KHDRBS2: variants seen among roughly 807,000 people sequenced by gnomAD.
KHDRBS2 encodes the protein KH RNA binding domain containing, signal transduction associated 2, also known as KH domain-containing, RNA-binding, signal transduction-associated protein 2.
KHDRBS2 carries 26 observed loss-of-function variants against 44.3 expected under a neutral mutation model. The observed-to-expected ratio is 0.59, with a 90% CI of 0.43 to 0.81. The LOEUF is 0.81. Ranked by LOEUF, KHDRBS2 falls within the 40% of genes least tolerant of loss-of-function variation. The pLI is 0.00. For missense variants in KHDRBS2, 476 were observed against 433.1 expected (o/e 1.10, Z -0.88); for synonymous variants, 194 against 151.1 (o/e 1.28, Z -2.08).
At chr6:61,594,842 C>G in the KHDRBS2 span, among the ~76,000 whole-genome samples, 2 of 152,006 alleles carry the variant, frequency 1.3e-5, no homozygotes, top group Non-Finnish European at 2.9e-5. Flanking sequence ...TTTTGAGAAG[C>G]CTGTCAAATA....
chr6:61,860,592 T>C (rs1346119194), intron 6 of KHDRBS2, among the ~76,000 whole-genome samples: 1 of 152,120 alleles, frequency 6.6e-6, no homozygotes, highest in Non-Finnish European at 1.5e-5. Context: ...GGTGTATATG[T>C]ACCACATTTT....
At chr6:62,241,466 A>G (rs1393013048) in intron 1 of KHDRBS2, among the ~76,000 whole-genome samples, 1 of 152,214 alleles carries the variant, frequency 6.6e-6, no homozygotes, top group African/African-American at 2.4e-5. Flanking sequence ...GATTACTAAG[A>G]AAACCAGCTG....
At chr6:62,275,721 T>C (rs1424405618) in intron 1 of KHDRBS2, among the ~76,000 whole-genome samples, 2 of 152,192 alleles carry the variant, frequency 1.3e-5, no homozygotes, top group African/African-American at 2.4e-5. Context: ...GTTATGTTCT[T>C]TAATATTGTT....
At chr6:61,583,701 G>GT in the KHDRBS2 span, among the ~76,000 whole-genome samples, 8 of 151,298 alleles carry the variant, frequency 5.3e-5, no homozygotes, top group East Asian at 1.9e-4. Flanking sequence ...TAGTTCCTTT[G>GT]TTTTTTTAAA....
chr6:61,863,390 A>T (rs1229106806), intron 6 of KHDRBS2, among the ~76,000 whole-genome samples: 3 of 151,356 alleles, frequency 2.0e-5, no homozygotes, highest in Non-Finnish European at 4.4e-5. Flanking sequence ...TAGATTATTA[A>T]CTTGAGATAT....
chr6:62,001,092 GA>G (rs1218942704), intron 3 of KHDRBS2, among the ~76,000 whole-genome samples: 2 of 152,108 alleles, frequency 1.3e-5, no homozygotes, highest in Non-Finnish European at 2.9e-5. Flanking sequence ...GACATTATTG[GA>G]ATAGCTTCTT....
intron 6 of KHDRBS2, among the ~76,000 whole-genome samples, chr6:61,852,743 C>G (rs1795633112): frequency 6.6e-6 from 1 of 151,988 alleles, no homozygotes; most frequent in Non-Finnish European, 1.5e-5. Flanking sequence ...AAAACATAAA[C>G]TATACAATGG....
At position 61,992,607 on chromosome 6, in the gene KHDRBS2, GTGTT is replaced by G. The variant is rs753513934; in HGVS notation, c.337-14399_337-14396del. On this transcript the variant is annotated intron_variant, in intron 3 of 8. Coordinates refer to ENST00000281156, the MANE Select transcript of KHDRBS2 (RefSeq NM_152688.4). ...GTAGGGGTCTGATGTGTGTGTGTGT[GTGTT>G]TGTGCGCGCGTGCGCACGCTTATAT... Among the ~76,000 whole-genome samples the G allele has an allele frequency of 2.0e-5, 3 of 152,292 alleles. No individual in the cohort carries two copies. The South Asian group carries it at 6.2e-4, about 32-fold the overall frequency.
chr6:62,208,674 C>T (rs1828470049), intron 1 of KHDRBS2, among the ~76,000 whole-genome samples: 1 of 152,140 alleles, frequency 6.6e-6, no homozygotes, highest in African/African-American at 2.4e-5. Flanking sequence ...TCCATAATGG[C>T]TGTGCCAGTT....
intron 4 of KHDRBS2, among the ~76,000 whole-genome samples, chr6:61,974,173 C>G (rs1279141737): frequency 6.6e-6 from 1 of 151,992 alleles, no homozygotes; most frequent in Non-Finnish European, 1.5e-5. Flanking sequence ...GAAAATAAAA[C>G]AGTGTTATCA....
chr6:62,210,386 G>C (rs1009363083), intron 1 of KHDRBS2, among the ~76,000 whole-genome samples: 1 of 131,686 alleles, frequency 7.6e-6, no homozygotes, highest in African/African-American at 2.9e-5. Context: ...GCTGGAGTTT[G>C]ATGGCACAAT....
intron 6 of KHDRBS2, among the ~76,000 whole-genome samples, chr6:61,823,110 C>G (rs1790234455): frequency 1.3e-5 from 2 of 151,814 alleles, no homozygotes; most frequent in African/African-American, 2.4e-5. Flanking sequence ...CTGGGTTTTA[C>G]TGAGTTAAAG....
intron 4 of KHDRBS2, among the ~76,000 whole-genome samples, chr6:61,971,740 C>A (rs994291701): frequency 1.3e-5 from 2 of 152,046 alleles, no homozygotes; most frequent in African/African-American, 4.8e-5. Context: ...TTTTCGTTGA[C>A]CCTAGGAATA....
At chr6:62,112,007 T>C (rs1805114800) in intron 2 of KHDRBS2, among the ~76,000 whole-genome samples, 1 of 152,116 alleles carries the variant, frequency 6.6e-6, no homozygotes, top group Non-Finnish European at 1.5e-5. Flanking sequence ...ATGCTACTAG[T>C]CCATGAACCA....
At position 62,142,081 on chromosome 6, in the gene KHDRBS2, T is replaced by G. The variant is rs147334090; in HGVS notation, c.219+35104A>C. On this transcript the variant is annotated intron_variant, in intron 2 of 8. Transcript: ENST00000281156. Reference sequence around the variant, plus strand: ...TCTTCTCCAGTAGCAACTCTATGCTTTTCTTCTGAATATACTGAATTTGTG... The same window carrying G: ...TCTTCTCCAGTAGCAACTCTATGCTGTTCTTCTGAATATACTGAATTTGTG... 1.5e-3 allele frequency among the ~76,000 whole-genome samples: 228 copies of G among 152,126 alleles called. 1 individual carries two copies. In the Middle Eastern group the frequency reaches 0.041, roughly 27 times the overall value.
chr6:61,654,109 T>C, the KHDRBS2 span, among the ~76,000 whole-genome samples: 43 of 152,140 alleles, frequency 2.8e-4, no homozygotes, highest in Non-Finnish European at 5.0e-4. Context: ...CATACTTCAG[T>C]CCTGCTATTC....
intron 4 of KHDRBS2, among the ~76,000 whole-genome samples, chr6:61,927,863 T>C (rs1015945461): frequency 2.0e-5 from 3 of 152,114 alleles, no homozygotes; most frequent in Non-Finnish European, 4.4e-5. Context: ...AGCTATAAAA[T>C]TGTGGCATGT....
downstream of KHDRBS2, among the ~76,000 whole-genome samples, chr6:61,675,980 T>A (rs908526012): frequency 1.3e-5 from 2 of 151,766 alleles, no homozygotes; most frequent in Non-Finnish European, 2.9e-5. Context: ...GTCACTTGCA[T>A]GAGGTGGATG....
chr6:61,931,694 A>G (rs1810082112), intron 4 of KHDRBS2, among the ~76,000 whole-genome samples: 1 of 152,198 alleles, frequency 6.6e-6, no homozygotes, highest in Non-Finnish European at 1.5e-5. Context: ...GTTTTGAAGT[A>G]CAGTTACCCT....
Sources: allele counts gnomAD v4.1 joint callset (sites outside exome capture counted in the v4.1 genomes callset), GRCh38; gene constraint gnomAD v4.1.1; transcripts MANE v1.5; gene names NCBI Gene and HGNC (gene_info 2026-07-23, HGNC 2026-07-21).